GNAL: variants seen among roughly 807,000 people sequenced by gnomAD.
The protein encoded by GNAL is guanine nucleotide-binding protein G(olf) subunit alpha.
A neutral mutation model predicts 55.1 loss-of-function variants in GNAL; 18 were observed. The ratio of observed to expected loss-of-function variants is 0.33; its 90% CI spans 0.23 to 0.48. The LOEUF is 0.48. Among genes scored for constraint, GNAL ranks in the 20% least tolerant of loss-of-function variants. The pLI, the probability that GNAL is intolerant of heterozygous loss-of-function variation, is 0.99. For missense variants in GNAL, 412 were observed against 614.1 expected (o/e 0.67, Z 3.48); for synonymous variants, 253 against 237.0 (o/e 1.07, Z -0.62).
rs192533695 is a variant in GNAL at position 11,754,135 on chromosome 18, C to G, written c.624+190C>G. Among the ~76,000 whole-genome samples, 10 of 152,240 alleles carry G rather than the reference C, an allele frequency of 6.6e-5. No individual in the cohort carries two copies. In the South Asian group the frequency reaches 2.1e-3, roughly 32 times the overall value. On this transcript the variant is annotated intron_variant, in intron 4 of 11. Transcript: ENST00000334049. ...TGTTTGTTAAAAATATTAACTACGG[C>G]CAGGGGCGGTGGCTCACACCTGTAA...
intron 9 of GNAL, 77 bp from the exon 10 acceptor site, chr18:11,872,191 T>A: frequency 1.1e-6 from 1 of 902,770 alleles, no homozygotes; most frequent in Non-Finnish European, 1.7e-6. Context: ...ATTCTTTTAA[T>A]TTAGCAACTT....
chr18:11,760,440 C>CAGT (rs2063731242), intron 4 of GNAL, among the ~76,000 whole-genome samples: 1 of 152,156 alleles, frequency 6.6e-6, no homozygotes. Context: ...AAAAAGGGCA[C>CAGT]AGTAAACTTT....
Position 11,766,479 on chromosome 18 carries a change from C to G in GNAL, c.624+12534C>G, listed in dbSNP as rs574919259. On this transcript the variant is annotated intron_variant, in intron 4 of 11. Transcript: ENST00000334049. ...AAGAGGCTGCTCCTGCCCAGCACCC[C>G]CAGAGTCCCCAGAGACAGCCAGTGT... Among the ~76,000 whole-genome samples, 498 of 152,268 alleles carry G rather than the reference C, an allele frequency of 3.3e-3. 5 individuals carry two copies. Among genetic ancestry groups the G allele is most frequent in the African/African-American group, 0.012 (478 of 41,546 alleles).
chr18:11,847,017 TA>T (rs1271757845), intron 5 of GNAL, among the ~76,000 whole-genome samples: 1 of 151,304 alleles, frequency 6.6e-6, no homozygotes, highest in Admixed American at 6.6e-5. Context: ...ATTAATATTA[TA>T]TATGTATGTA....
Position 11,862,417 on chromosome 18 carries a change from G to C in GNAL, c.745G>C (p.Val249Leu), listed in dbSNP as rs773047497. The stretch of plus-strand genomic sequence containing the variant: ...CAGCTTCCTGGAAAGAATCGACAGC[G>C]TCAGCTTGGTTGACTACACACCCAC... ...AQYFLERIDS[V>L]SLVDYTPTDQ... The change falls in exon 6 of 12, where the codon GTC (valine) becomes CTC (leucine). Residue 249 changes from valine (V) to leucine (L), a missense_variant. Transcript: ENST00000334049. The C allele has an allele frequency of 9.9e-6, 16 of 1,613,566 alleles. No individual in the cohort carries two copies. In the South Asian group the frequency reaches 1.6e-4, roughly 17 times the overall value.
intron 1 of GNAL, among the ~76,000 whole-genome samples, chr18:11,721,239 C>T (rs959803398): frequency 2.6e-5 from 4 of 152,214 alleles, no homozygotes; most frequent in Non-Finnish European, 4.4e-5. Context: ...GGTTCAAAAA[C>T]TCATGACAGA....
At chr18:11,809,845 G>T (rs1202010175) in intron 4 of GNAL, among the ~76,000 whole-genome samples, 1 of 152,226 alleles carries the variant, frequency 6.6e-6, no homozygotes, top group African/African-American at 2.4e-5. Flanking sequence ...CACAAGTATA[G>T]AATTACAAGG....
chr18:11,864,551 G>C lies in GNAL; in HGVS notation c.796G>C (p.Val266Leu), dbSNP rs1481429727. The change falls in exon 7 of 12, where the codon GTT becomes CTT. Residue 266 changes from valine (V) to leucine (L), a missense_variant. Physicochemically the swap from Val to Leu is conservative, Grantham distance 32. Transcript: ENST00000334049. ...PTDQDLLRCR[V>L]LTSGIFETRF... ...TTCCCAGGACCTCCTCAGATGCAGA[G>C]TTCTGACATCTGGGATTTTTGAGAC... The C allele has an allele frequency of 6.3e-7, 1 of 1,577,016 alleles. No homozygotes were observed. The highest frequency in any genetic ancestry group is 8.7e-7 in the Non-Finnish European group (1 of 1,146,334).
chr18:11,746,978 TG>T, intron 1 of GNAL: 1 of 519,800 alleles, frequency 1.9e-6, no homozygotes, highest in Non-Finnish European at 3.9e-6. Flanking sequence ...CGAGTAGATT[TG>T]GAAGAACACA....
intron 5 of GNAL, among the ~76,000 whole-genome samples, chr18:11,829,708 G>A (rs962650955): frequency 4.6e-5 from 7 of 152,098 alleles, no homozygotes; most frequent in Admixed American, 4.6e-4. Flanking sequence ...GGGTGTTCTT[G>A]TATAAAGTCA....
chr18:11,811,048 G>C (rs1343574023), intron 4 of GNAL, among the ~76,000 whole-genome samples: 1 of 152,142 alleles, frequency 6.6e-6, no homozygotes, highest in African/African-American at 2.4e-5. Flanking sequence ...GTGTTCTGTA[G>C]ATGTTTCTAG....
chr18:11,741,053 C>A (rs1434334364), intron 1 of GNAL, among the ~76,000 whole-genome samples: 1 of 152,182 alleles, frequency 6.6e-6, no homozygotes, highest in Non-Finnish European at 1.5e-5. Flanking sequence ...AAACCAAAGT[C>A]TAAAAGAAAC....
At chr18:11,858,746 C>CAG (rs5823179) in intron 5 of GNAL, among the ~76,000 whole-genome samples, 49,973 of 151,860 alleles carry the variant, frequency 0.33, 9,270 homozygotes, top group African/African-American at 0.49. Context: ...TGCATGAACT[C>CAG]GGTACCATTC....
chr18:11,692,954 A>G (rs1014510889), intron 1 of GNAL, among the ~76,000 whole-genome samples: 1 of 152,160 alleles, frequency 6.6e-6, no homozygotes, highest in Non-Finnish European at 1.5e-5. Context: ...ACCTGGAAAG[A>G]CATTAATTGG....
intron 1 of GNAL, among the ~76,000 whole-genome samples, chr18:11,708,560 A>G (rs902660610): frequency 6.6e-6 from 1 of 152,230 alleles, no homozygotes; most frequent in Non-Finnish European, 1.5e-5. Context: ...AGAGACACAA[A>G]GTGAGCACAT....
Position 11,714,926 on chromosome 18 carries a change from G to C in GNAL, c.376+24987G>C, listed in dbSNP as rs535912817. Among the ~76,000 whole-genome samples, 221 of 152,238 alleles carry C rather than the reference G, an allele frequency of 1.5e-3. 1 individual carries two copies. Among genetic ancestry groups the C allele is most frequent in the Non-Finnish European group, 2.7e-3 (183 of 68,024 alleles). On this transcript the variant is annotated intron_variant, in intron 1 of 11. Coordinates refer to ENST00000334049, the MANE Select transcript of GNAL (RefSeq NM_182978.4). The stretch of plus-strand genomic sequence containing the variant: ...GGAGGCCAAAGCAGGTGGATCACTT[G>C]AACTCAGAGTTCAAGGCCAGCCTGG...
chr18:11,707,036 C>G (rs2031729846), intron 1 of GNAL, among the ~76,000 whole-genome samples: 1 of 152,172 alleles, frequency 6.6e-6, no homozygotes, highest in South Asian at 2.1e-4. Flanking sequence ...GAGACAGGGT[C>G]TCACTCTGTC....
At chr18:11,713,937 T>C (rs747579213) in intron 1 of GNAL, among the ~76,000 whole-genome samples, 2 of 152,192 alleles carry the variant, frequency 1.3e-5, no homozygotes. Flanking sequence ...CACTGAGGTC[T>C]AAAGGGCGAG....
intron 4 of GNAL, among the ~76,000 whole-genome samples, chr18:11,768,419 T>C (rs1179523715): frequency 6.6e-6 from 1 of 152,034 alleles, no homozygotes; most frequent in Non-Finnish European, 1.5e-5. Flanking sequence ...CTGACCAACA[T>C]GGAGAAACCC....
Sources: allele counts gnomAD v4.1 joint callset (sites outside exome capture counted in the v4.1 genomes callset), GRCh38; gene constraint gnomAD v4.1.1; transcripts MANE v1.5; gene names NCBI Gene and HGNC (gene_info 2026-07-23, HGNC 2026-07-21).